RTN4IP1: variants seen among roughly 807,000 people sequenced by gnomAD.
RTN4IP1 encodes reticulon 4 interacting protein 1, also known as NAD(P)H oxidoreductase RTN4IP1, mitochondrial.
A neutral mutation model predicts 46.6 loss-of-function variants in RTN4IP1; 32 were observed. That is an observed-to-expected ratio of 0.69 (90% CI 0.52 to 0.92). The LOEUF is 0.92. Among genes scored for constraint, RTN4IP1 ranks in the 40% least tolerant of loss-of-function variants. RTN4IP1 has a pLI of 0.00. For synonymous variants in RTN4IP1, 167 were observed against 161.8 expected (o/e 1.03, Z -0.24); for missense variants, 424 against 485.8 (o/e 0.87, Z 1.20).
At chr6:106,621,717 T>G (rs1776491126) in intron 2 of RTN4IP1, among the ~76,000 whole-genome samples, 1 of 152,204 alleles carries the variant, frequency 6.6e-6, no homozygotes, top group African/African-American at 2.4e-5. Flanking sequence ...CATATCCTGC[T>G]GCATTTACTG....
intron 6 of RTN4IP1, among the ~76,000 whole-genome samples, chr6:106,589,678 C>G (rs1775598518): frequency 6.6e-6 from 1 of 152,148 alleles, no homozygotes; most frequent in South Asian, 2.1e-4. Flanking sequence ...GATTTCAAAG[C>G]CCCTTCTTGC....
At chr6:106,597,502 C>T (rs1006278524) in intron 5 of RTN4IP1, among the ~76,000 whole-genome samples, 1 of 151,962 alleles carries the variant, frequency 6.6e-6, no homozygotes, top group Non-Finnish European at 1.5e-5. Context: ...AGCCACCATG[C>T]CCAGCTAATT....
chr6:106,619,708 T>C (rs996738774), intron 3 of RTN4IP1, among the ~76,000 whole-genome samples: 21 of 147,118 alleles, frequency 1.4e-4, no homozygotes, highest in Admixed American at 9.1e-4. Flanking sequence ...GCCTCCCGGG[T>C]TCACACCATT....
At chr6:106,609,162 T>C (rs1244206600) in intron 4 of RTN4IP1, among the ~76,000 whole-genome samples, 1 of 152,250 alleles carries the variant, frequency 6.6e-6, no homozygotes, top group African/African-American at 2.4e-5. Flanking sequence ...CTTCCCAACT[T>C]ATTCTGCAAG....
At chr6:106,597,691 C>CT (rs978214429) in intron 5 of RTN4IP1, among the ~76,000 whole-genome samples, 2,018 of 136,072 alleles carry the variant, frequency 0.015, 53 homozygotes, top group African/African-American at 0.048. Context: ...CATTTTGTTT[C>CT]TTTTTTTTTT....
chr6:106,619,911 T>TATG (rs773822550), intron 3 of RTN4IP1, among the ~76,000 whole-genome samples: 9 of 149,554 alleles, frequency 6.0e-5, no homozygotes, highest in Non-Finnish European at 1.3e-4. Flanking sequence ...GCGCCTGGCC[T>TATG]ATGATTTTCT....
At chr6:106,615,176 G>A (rs984251842) in intron 4 of RTN4IP1, among the ~76,000 whole-genome samples, 3 of 152,080 alleles carry the variant, frequency 2.0e-5, no homozygotes, top group Non-Finnish European at 4.4e-5. Flanking sequence ...AAGTCCAAAA[G>A]GGTAATGGGC....
At position 106,576,364 on chromosome 6, in the gene RTN4IP1, G is replaced by A. The variant is rs375457000; in HGVS notation, c.1084-4261C>T. ...AATGCACTTCCAACAGCCAGAAGGT[G>A]AGAGGAGAAACCCCATATAAATTTC... On this transcript the variant is annotated intron_variant, in intron 8 of 8. Coordinates refer to ENST00000369063, the MANE Select transcript of RTN4IP1 (RefSeq NM_032730.5). 4.6e-5 allele frequency among the ~76,000 whole-genome samples: 7 copies of A among 152,292 alleles called. No individual in the cohort carries two copies. The East Asian group carries it at 1.4e-3, about 29-fold the overall frequency.
At chr6:106,606,487 C>A (rs527855103) in intron 4 of RTN4IP1, among the ~76,000 whole-genome samples, 2 of 151,812 alleles carry the variant, frequency 1.3e-5, no homozygotes, top group South Asian at 4.2e-4. Context: ...TTTCTATATA[C>A]CAACAATGAA....
intron 5 of RTN4IP1, among the ~76,000 whole-genome samples, chr6:106,598,315 G>A (rs1300446805): frequency 1.3e-5 from 2 of 152,146 alleles, no homozygotes; most frequent in African/African-American, 2.4e-5. Context: ...CCCACCAACA[G>A]TGTAAAAGTG....
chr6:106,600,784 A>G (rs1775927185), intron 5 of RTN4IP1, among the ~76,000 whole-genome samples: 1 of 152,162 alleles, frequency 6.6e-6, no homozygotes, highest in South Asian at 2.1e-4. Flanking sequence ...TATATAATAT[A>G]GATATATAAT....
intron 4 of RTN4IP1, among the ~76,000 whole-genome samples, chr6:106,612,863 AGC>A (rs1776261956): frequency 1.3e-5 from 2 of 152,196 alleles, no homozygotes; most frequent in African/African-American, 4.8e-5. Flanking sequence ...ATGACAGAGT[AGC>A]AGGGGCCACG....
chr6:106,587,382 T>C (rs1775511818), intron 7 of RTN4IP1, among the ~76,000 whole-genome samples: 1 of 152,276 alleles, frequency 6.6e-6, no homozygotes, highest in Non-Finnish European at 1.5e-5. Flanking sequence ...CATTATGCCA[T>C]GTCTCCATAT....
Position 106,629,056 on chromosome 6 carries a change from A to G in RTN4IP1, c.-35T>C. The G allele has an allele frequency of 1.3e-6, 2 of 1,581,454 alleles. No individual in the cohort carries two copies. Among genetic ancestry groups the G allele is most frequent in the Non-Finnish European group, 1.7e-6 (2 of 1,163,292 alleles). ...TGGTTGAACTGCGTGCTCAAATTCA[A>G]ATACACTTGGACTGGATCAAACTCT... On this transcript the variant is annotated 5_prime_UTR_variant, in exon 1 of 9. Transcript: ENST00000369063.
chr6:106,620,421 T>C (rs1172132949), intron 3 of RTN4IP1, among the ~76,000 whole-genome samples: 1 of 152,158 alleles, frequency 6.6e-6, no homozygotes, highest in Admixed American at 6.6e-5. Context: ...CTTTTTATGT[T>C]ATCGGTAAGG....
intron 4 of RTN4IP1, among the ~76,000 whole-genome samples, chr6:106,609,618 G>GA (rs1205819540): frequency 6.6e-6 from 1 of 152,194 alleles, no homozygotes; most frequent in East Asian, 1.9e-4. Context: ...CTGGCTACTT[G>GA]AAAGACTGCA....
At chr6:106,602,780 T>C in intron 5 of RTN4IP1, 94 bp downstream of exon 5, 2 of 826,354 alleles carry the variant, frequency 2.4e-6, no homozygotes, top group Non-Finnish European at 3.8e-6. Flanking sequence ...CAGACCTACC[T>C]TTCTCTCAGC....
chr6:106,590,042 G>A (rs939786718), intron 6 of RTN4IP1, among the ~76,000 whole-genome samples: 1 of 152,160 alleles, frequency 6.6e-6, no homozygotes, highest in Non-Finnish European at 1.5e-5. Context: ...GGTAGGCCAG[G>A]TGCAGTGGCT....
intron 1 of RTN4IP1, among the ~76,000 whole-genome samples, chr6:106,628,121 TC>T (rs1242916768): frequency 1.1e-4 from 17 of 151,160 alleles, no homozygotes; most frequent in Admixed American, 5.3e-4. Flanking sequence ...CAACTATACT[TC>T]CGAAGCCTGT....
Sources: gnomAD v4.1 joint callset for allele counts (sites outside exome capture counted in the v4.1 genomes callset) on GRCh38, gnomAD v4.1.1 for gene constraint, MANE v1.5 for transcripts, NCBI Gene and HGNC (gene_info 2026-07-23, HGNC 2026-07-21) for gene names.